SUN1: variants seen among roughly 807,000 people sequenced by gnomAD.
SUN1 encodes Sad1 and UNC84 domain containing 1.
A neutral mutation model predicts 103.2 loss-of-function variants in SUN1; 61 were observed. The ratio of observed to expected loss-of-function variants is 0.59; its 90% CI spans 0.48 to 0.73. The LOEUF is 0.73. Ranked by LOEUF, SUN1 falls within the 30% of genes least tolerant of loss-of-function variation. SUN1 has a pLI of 0.00. For missense variants in SUN1, 1,052 were observed against 1,034.6 expected (o/e 1.02, Z -0.23); for synonymous variants, 490 against 425.7 (o/e 1.15, Z -1.86).
At chr7:849,415 G>A (rs1819711545) in intron 5 of SUN1, 1 of 843,008 alleles carries the variant, frequency 1.2e-6, no homozygotes, top group Non-Finnish European at 1.7e-6. Context: ...CTGTGGAAGT[G>A]GCTAGCCTTG....
At chr7:817,075 G>T (rs933494412) in intron 1 of SUN1, among the ~76,000 whole-genome samples, 1 of 152,192 alleles carries the variant, frequency 6.6e-6, no homozygotes, top group African/African-American at 2.4e-5. Context: ...GGACCCCGTT[G>T]CGGGGTCCCA....
chr7:866,236 G>A (rs539580998), intron 16 of SUN1, among the ~76,000 whole-genome samples, 169 bp downstream of exon 16: 59 of 152,296 alleles, frequency 3.9e-4, no homozygotes, highest in African/African-American at 1.3e-3. Flanking sequence ...CGGTGTCCCC[G>A]TGTAGCCTCC....
At chr7:861,520 G>A (rs1042157623) in intron 15 of SUN1, 56 bp downstream of exon 15, 2 of 1,583,912 alleles carry the variant, frequency 1.3e-6, no homozygotes, top group Admixed American at 1.7e-5. Context: ...TAGCAGGGGT[G>A]TGCACTTGAG....
chr7:829,822 G>A (rs758964250), upstream of SUN1, among the ~76,000 whole-genome samples: 3 of 152,076 alleles, frequency 2.0e-5, no homozygotes, highest in Non-Finnish European at 4.4e-5. Flanking sequence ...CCAAAGTGCT[G>A]GGATTATAGG....
At position 861,527 on chromosome 7, in the gene SUN1, T is replaced by TGA. The variant is rs1452015064; in HGVS notation, c.1864+67_1864+68dup. The TGA allele has an allele frequency of 7.1e-6, 11 of 1,549,572 alleles. No individual in the cohort carries two copies. In the African/African-American group the frequency reaches 1.2e-4, roughly 17 times the overall value. On this transcript the variant is annotated intron_variant, in intron 15 of 18. Coordinates refer to ENST00000401592, the MANE Select transcript of SUN1 (RefSeq NM_001130965.3). Reference sequence around the variant, plus strand: ...TCACCTGTTAGCAGGGGTGTGCACTTGAGAGGCTGTTGCCTACCCCACTTC... The same window carrying TGA: ...TCACCTGTTAGCAGGGGTGTGCACTTGAGAGAGGCTGTTGCCTACCCCACTTC...
At chr7:840,171 C>G (rs1807884720) in intron 2 of SUN1, among the ~76,000 whole-genome samples, 1 of 152,234 alleles carries the variant, frequency 6.6e-6, no homozygotes, top group Non-Finnish European at 1.5e-5. Flanking sequence ...GGGATCTGAA[C>G]AGCCACTCCC....
rs139186756 is a variant in SUN1 at position 852,746 on chromosome 7, G to A, written c.911-64G>A. 6.5e-4 allele frequency: 1,055 copies of A among 1,612,938 alleles called. 4 individuals are homozygous for A. Among genetic ancestry groups the A allele is most frequent in the Non-Finnish European group, 7.7e-4 (913 of 1,179,150 alleles). On this transcript the variant is annotated intron_variant, in intron 8 of 18. Transcript: ENST00000401592. The stretch of plus-strand genomic sequence containing the variant: ...TGTAACTTAGTGGAAAAAAATGAGC[G>A]TGTAAGTCCATGTTTTGAGAAGCGT...
chr7:821,526 C>A lies in SUN1; in HGVS notation c.-74+4853C>A, dbSNP rs189571049. On this transcript the variant is annotated intron_variant, in intron 1 of 17. Transcript: ENST00000389574. ...TGTTGTCAGGTCATAACCATTGTTTCCTGGTCCTGAATTTATGATGATCGA... is the reference window on the plus strand; with the variant it reads ...TGTTGTCAGGTCATAACCATTGTTTACTGGTCCTGAATTTATGATGATCGA... Among the ~76,000 whole-genome samples the A allele has an allele frequency of 1.6e-3, 250 of 152,238 alleles. 1 individual carries two copies. The highest frequency in any genetic ancestry group is 9.0e-4 in the Non-Finnish European group (61 of 68,026).
chr7:856,324 T>C (rs369753567), intron 11 of SUN1, 34 bp from the exon 12 acceptor site: 17 of 1,603,742 alleles, frequency 1.1e-5, no homozygotes, highest in East Asian at 2.2e-5. Flanking sequence ...ATATAACTTA[T>C]GTGTTTCAGT....
At chr7:832,913 A>G (rs573452856) in intron 1 of SUN1, 25 of 290,362 alleles carry the variant, frequency 8.6e-5, no homozygotes, top group Non-Finnish European at 1.3e-4. Context: ...GTGAGAACGT[A>G]TCAGTGGCTT....
rs188918333 is a variant in SUN1 at position 823,087 on chromosome 7, T to C, written c.-74+6414T>C. On this transcript the variant is annotated intron_variant, in intron 1 of 17. Transcript: ENST00000389574. Reference sequence around the variant, plus strand: ...GTAAGGAGTAGAGAGCGGTGGAGACTGGAGGATTGTCAGCTTAGTGGCAAA... The same window carrying C: ...GTAAGGAGTAGAGAGCGGTGGAGACCGGAGGATTGTCAGCTTAGTGGCAAA... 1.8e-3 allele frequency among the ~76,000 whole-genome samples: 276 copies of C among 152,268 alleles called. 1 individual carries two copies. The highest frequency in any genetic ancestry group is 6.5e-3 in the African/African-American group (271 of 41,548).
chr7:843,406 G>A lies in SUN1; in HGVS notation c.544G>A (p.Gly182Ser), dbSNP rs746593009. The A allele has an allele frequency of 1.1e-5, 18 of 1,613,270 alleles. No individual in the cohort carries two copies. The highest frequency in any genetic ancestry group is 8.0e-5 in the African/African-American group (6 of 74,936). Residue 182 changes from glycine to serine, a missense_variant, in exon 5 of 19, where the codon GGC (glycine) becomes AGC (serine). Gly to Ser is a moderately conservative substitution (Grantham distance 56, BLOSUM62 0). This residue lies in a region of SUN1 where 846 missense variants were observed against 774.5 expected (regional missense o/e 1.09). Coordinates refer to ENST00000401592, the MANE Select transcript of SUN1 (RefSeq NM_001130965.3). The stretch of plus-strand genomic sequence containing the variant: ...AGCCGCCGCCGCCACCGCGCACAAC[G>A]GCTTCTCCTGCAGCAACTGCAGCAT... ...VGAAAATAHN[G>S]FSCSNCSMLS...
In SUN1 at chr7:843,248, C is replaced by T; in HGVS notation, c.478+16C>T. 1.2e-6 allele frequency: 2 copies of T among 1,608,064 alleles called. No individual in the cohort carries two copies. Among genetic ancestry groups the T allele is most frequent in the South Asian group, 2.2e-5 (2 of 90,050 alleles). ...GATCTTAAAGGTAATTATTTTAGTC[C>T]TTTTATCTTCATATACTTTTCAAAA... is the stretch of plus-strand genomic sequence containing the variant. On this transcript the variant is annotated intron_variant, in intron 4 of 18. Coordinates refer to ENST00000401592, the MANE Select transcript of SUN1 (RefSeq NM_001130965.3).
intron 1 of SUN1, among the ~76,000 whole-genome samples, chr7:836,257 G>A (rs1803059248): frequency 6.6e-6 from 1 of 151,990 alleles, no homozygotes; most frequent in Non-Finnish European, 1.5e-5. Flanking sequence ...GAGGGAAGGA[G>A]GAACTCCATC....
intron 1 of SUN1, among the ~76,000 whole-genome samples, chr7:822,347 T>C (rs1002339859): frequency 6.6e-6 from 1 of 152,190 alleles, no homozygotes; most frequent in African/African-American, 2.4e-5. Flanking sequence ...GGCTGTAGGT[T>C]GTGAGTTTAG....
chr7:853,994 C>T (rs1170476865), intron 10 of SUN1, among the ~76,000 whole-genome samples: 4 of 151,976 alleles, frequency 2.6e-5, no homozygotes, highest in South Asian at 4.2e-4. Flanking sequence ...GGACACAAAC[C>T]GTCTCGTGTG....
intron 11 of SUN1, among the ~76,000 whole-genome samples, chr7:855,293 C>A (rs1826083681): frequency 6.6e-6 from 1 of 152,222 alleles, no homozygotes; most frequent in South Asian, 2.1e-4. Context: ...GGGTTCCCAT[C>A]CAGCTCTTTC....
intron 17 of SUN1, among the ~76,000 whole-genome samples, chr7:870,435 C>G (rs1021453394): frequency 6.6e-6 from 1 of 151,702 alleles, no homozygotes; most frequent in Non-Finnish European, 1.5e-5. Flanking sequence ...ACTAAAAATA[C>G]AAAAGTTAGC....
chr7:839,214 G>C, intron 2 of SUN1: 1 of 440,456 alleles, frequency 2.3e-6, no homozygotes, highest in Non-Finnish European at 3.9e-6. Flanking sequence ...ATGTTCTGCT[G>C]TTCTTGTTTC....
Sources: allele counts gnomAD v4.1 joint callset (sites outside exome capture counted in the v4.1 genomes callset), GRCh38; gene constraint gnomAD v4.1.1; regional missense constraint gnomAD v4.1.1; transcripts MANE v1.5; gene names NCBI Gene and HGNC (gene_info 2026-07-23, HGNC 2026-07-21).